TMEM267: variants seen among roughly 807,000 people sequenced by gnomAD.
The protein encoded by TMEM267 is transmembrane protein C5orf28.
TMEM267 carries 20 observed loss-of-function variants against 19.3 expected under a neutral mutation model. The ratio of observed to expected loss-of-function variants is 1.04; its 90% CI spans 0.73 to 1.51. The LOEUF (loss-of-function observed/expected upper bound fraction) is 1.51. TMEM267 is among the 40% of genes most tolerant of loss of function. The probability of loss-of-function intolerance (pLI) is 0.00; values close to 1 mark genes in which losing one functional copy is unlikely to be tolerated. For missense variants in TMEM267, 242 were observed against 261.9 expected (o/e 0.92, Z 0.52); for synonymous variants, 88 against 90.3 (o/e 0.97, Z 0.15).
intron 1 of TMEM267, chr5:43,454,645 G>A (rs984223308): frequency 2.0e-5 from 3 of 152,210 alleles, no homozygotes; most frequent in African/African-American, 4.8e-5. Flanking sequence ...AAGGAGAAAG[G>A]CTAATAGAAT....
chr5:43,446,582 T>A (rs1742253554), intron 2 of TMEM267, 25 bp from the exon 3 acceptor site: 10 of 1,466,346 alleles, frequency 6.8e-6, no homozygotes, highest in Non-Finnish European at 9.3e-6. Flanking sequence ...TAATAGCGAG[T>A]ATCATTTCCT....
chr5:43,472,069 G>C (rs953370421), intron 1 of TMEM267, among the ~76,000 whole-genome samples: 1 of 151,972 alleles, frequency 6.6e-6, no homozygotes, highest in African/African-American at 2.4e-5. Flanking sequence ...ACCAAAATAC[G>C]TAAGTGCTCA....
intron 1 of TMEM267, among the ~76,000 whole-genome samples, chr5:43,454,984 C>A (rs1742859497): frequency 6.6e-6 from 1 of 152,134 alleles, no homozygotes; most frequent in South Asian, 2.1e-4. Flanking sequence ...TTGATAATGA[C>A]TCAACTTCTA....
Position 43,446,436 on chromosome 5 carries a change from G to A in TMEM267, c.434C>T (p.Pro145Leu). 6.2e-7 allele frequency: 1 copy of A among 1,613,958 alleles called. No individual in the cohort carries two copies. Among genetic ancestry groups the A allele is most frequent in the South Asian group, 1.1e-5 (1 of 91,072 alleles). Residue 145 changes from proline (P) to leucine (L), a missense_variant, in exon 3 of 3, where the codon CCC (proline) becomes CTC (leucine). By Grantham distance (98) the Pro-to-Leu change is moderately conservative. Transcript: ENST00000397080. Reference protein sequence around the residue: ...FKLKDSWCFLPWMLFISWTSH... With the variant: ...FKLKDSWCFLLWMLFISWTSH... ...AGTCCAGGATATAAATAACATCCAG[G>A]GAAGAAAGCACCATGAGTCTTTGAG...
intron 1 of TMEM267, among the ~76,000 whole-genome samples, chr5:43,469,887 G>C (rs368733774): frequency 6.6e-6 from 1 of 152,134 alleles, no homozygotes; most frequent in Non-Finnish European, 1.5e-5. Context: ...CGATGTAAAC[G>C]GATGGCTTAT....
At chr5:43,455,298 C>T (rs1374595081) in intron 1 of TMEM267, among the ~76,000 whole-genome samples, 1 of 151,808 alleles carries the variant, frequency 6.6e-6, no homozygotes, top group African/African-American at 2.4e-5. Context: ...TGGTGCATGC[C>T]TGTAGTCCCA....
chr5:43,465,660 A>T (rs578217359), intron 1 of TMEM267, among the ~76,000 whole-genome samples: 3 of 152,220 alleles, frequency 2.0e-5, no homozygotes, highest in Non-Finnish European at 4.4e-5. Flanking sequence ...CTTTGTAGGG[A>T]CATGGATGAA....
chr5:43,457,149 G>C (rs901148109), intron 1 of TMEM267, among the ~76,000 whole-genome samples: 4 of 152,110 alleles, frequency 2.6e-5, no homozygotes, highest in African/African-American at 9.7e-5. Context: ...GCGACATAAA[G>C]GATGAACCCT....
chr5:43,482,451 C>T lies in TMEM267; in HGVS notation c.-75+1371G>A, dbSNP rs569119083. Among the ~76,000 whole-genome samples, 3 of 152,298 alleles carry T rather than the reference C, an allele frequency of 2.0e-5. No homozygotes were observed. The South Asian group carries it at 6.2e-4, about 32-fold the overall frequency. On this transcript the variant is annotated intron_variant, in intron 1 of 2. Transcript: ENST00000397080. ...TCCTTTTCCACTTCCTATTCCTCCC[C>T]CTACAAATAAAACGGACTCCCGAAC...
rs529567168 is a variant in TMEM267 at position 43,456,524 on chromosome 5, A to C, written c.-74-2481T>G. 2.6e-5 allele frequency among the ~76,000 whole-genome samples: 4 copies of C among 152,332 alleles called. No individual in the cohort carries two copies. The East Asian group carries it at 7.7e-4, about 29-fold the overall frequency. On this transcript the variant is annotated intron_variant, in intron 1 of 2. Coordinates refer to ENST00000397080, the MANE Select transcript of TMEM267 (RefSeq NM_022483.5). ...AAATCTTATATCTGATAAAGGACTT[A>C]CATCCAGAATATATAAAGAACTCTC...
intron 1 of TMEM267, among the ~76,000 whole-genome samples, chr5:43,477,539 A>G (rs1579833202): frequency 6.7e-6 from 1 of 148,502 alleles, no homozygotes; most frequent in East Asian, 2.0e-4. Flanking sequence ...GGTTGCAGTG[A>G]GCAGAATGCG....
At chr5:43,450,686 T>G (rs1351496700) in intron 2 of TMEM267, among the ~76,000 whole-genome samples, 2 of 152,178 alleles carry the variant, frequency 1.3e-5, no homozygotes, top group Non-Finnish European at 1.5e-5. Flanking sequence ...TGCTTCTAAG[T>G]GAATTAAAGG....
chr5:43,461,625 TA>T (rs1436290040), intron 1 of TMEM267, among the ~76,000 whole-genome samples: 1 of 152,026 alleles, frequency 6.6e-6, no homozygotes, highest in Non-Finnish European at 1.5e-5. Context: ...CCTTGTGCCT[TA>T]AGGGGCATTA....
intron 2 of TMEM267, among the ~76,000 whole-genome samples, chr5:43,446,781 G>A (rs1272328434): frequency 6.6e-6 from 1 of 151,862 alleles, no homozygotes; most frequent in Non-Finnish European, 1.5e-5. Context: ...AAGGTCTCAG[G>A]AATATGGTGA....
intron 1 of TMEM267, among the ~76,000 whole-genome samples, chr5:43,474,418 A>G (rs1249514287): frequency 6.6e-6 from 1 of 152,190 alleles, no homozygotes; most frequent in Non-Finnish European, 1.5e-5. Flanking sequence ...AGAAAAAAGC[A>G]AACAACCCCA....
intron 2 of TMEM267, among the ~76,000 whole-genome samples, chr5:43,450,151 T>C (rs1030989833): frequency 6.6e-5 from 10 of 152,016 alleles, no homozygotes; most frequent in African/African-American, 2.4e-4. Context: ...TACACCACCA[T>C]GCCGGGCTAG....
intron 1 of TMEM267, among the ~76,000 whole-genome samples, chr5:43,466,558 G>T (rs1240962296): frequency 6.6e-6 from 1 of 152,156 alleles, no homozygotes; most frequent in East Asian, 1.9e-4. Flanking sequence ...GAAATAATTT[G>T]AAGGTACAAA....
At chr5:43,481,671 A>G (rs1406515374) in intron 1 of TMEM267, among the ~76,000 whole-genome samples, 1 of 152,116 alleles carries the variant, frequency 6.6e-6, no homozygotes, top group African/African-American at 2.4e-5. Flanking sequence ...TGAAAGAGGA[A>G]GGAAAAAGCT....
intron 1 of TMEM267, among the ~76,000 whole-genome samples, chr5:43,466,980 C>T (rs1743765309): frequency 6.6e-6 from 1 of 151,732 alleles, no homozygotes; most frequent in Non-Finnish European, 1.5e-5. Context: ...GAAATCCTGT[C>T]TCTACTAAAA....
Sources: gnomAD v4.1 joint callset for allele counts (sites outside exome capture counted in the v4.1 genomes callset) on GRCh38, gnomAD v4.1.1 for gene constraint, MANE v1.5 for transcripts, NCBI Gene and HGNC (gene_info 2026-07-23, HGNC 2026-07-21) for gene names.